The following SLC25A21 variants were observed in gnomAD, a reference collection of about 807,000 sequenced individuals.
SLC25A21 encodes solute carrier family 25 member 21.
SLC25A21 carries 47 observed loss-of-function variants against 43.8 expected under a neutral mutation model. The ratio of observed to expected loss-of-function variants is 1.07; its 90% CI spans 0.85 to 1.37. The LOEUF is 1.37. Among genes scored for constraint, SLC25A21 ranks in the 40% most tolerant of loss-of-function variants. The pLI, the probability that SLC25A21 is intolerant of heterozygous loss-of-function variation, is 0.00. For missense variants in SLC25A21, 352 were observed against 350.2 expected, an observed-to-expected ratio of 1.00 and a Z score of -0.04; for synonymous variants, 131 against 121.3, an observed-to-expected ratio of 1.08 and a Z score of -0.52.
At chr14:36,796,698 G>T (rs1385518681) in intron 3 of SLC25A21, among the ~76,000 whole-genome samples, 1 of 152,006 alleles carries the variant, frequency 6.6e-6, no homozygotes, top group Non-Finnish European at 1.5e-5. Context: ...ACCCTGTTTG[G>T]TCTATTCACA....
intron 1 of SLC25A21, among the ~76,000 whole-genome samples, chr14:37,158,181 T>A (rs561885187): frequency 3.2e-4 from 48 of 152,270 alleles, no homozygotes; most frequent in African/African-American, 1.1e-3. Context: ...CCAATTCTCC[T>A]GAAACTATTG....
intron 3 of SLC25A21, among the ~76,000 whole-genome samples, chr14:36,810,962 T>TAATTCAGCATATGATAGAGAAAAGAGGGG (rs1888239591): frequency 5.4e-5 from 2 of 37,014 alleles, no homozygotes; most frequent in African/African-American, 8.1e-5. Context: ...GAAAAGAGGG[T>TAATTCAGCATATGATAGAGAAAAGAGGGG]CAGGGAGGGT....
intron 1 of SLC25A21, among the ~76,000 whole-genome samples, chr14:37,017,895 G>T (rs188293876): frequency 1.6e-4 from 25 of 152,010 alleles, no homozygotes; most frequent in African/African-American, 4.3e-4. Context: ...CAGCACTGGG[G>T]TAATTGACAC....
intron 1 of SLC25A21, among the ~76,000 whole-genome samples, chr14:36,903,614 GAAAAAAAAAAA>G (rs71124784): frequency 1.6e-3 from 82 of 50,460 alleles, no homozygotes; most frequent in African/African-American, 6.1e-3. Flanking sequence ...CTCCGTCTCA[GAAAAAAAAAAA>G]AAAAAAAAAA....
Position 36,758,412 on chromosome 14 carries a change from C to T in SLC25A21, c.204-23839G>A, listed in dbSNP as rs1886013784. On this transcript the variant is annotated intron_variant, in intron 3 of 9. Coordinates refer to ENST00000331299, the MANE Select transcript of SLC25A21 (RefSeq NM_030631.4). ...CAGAAGACTCCCTCTGGGCCCAGGG[C>T]ATGACCCAGGAGAGGGGCGTAGTGT... 2.6e-5 allele frequency among the ~76,000 whole-genome samples: 4 copies of T among 152,068 alleles called. No homozygotes were observed. The South Asian group carries it at 8.3e-4, about 32-fold the overall frequency.
chr14:37,167,725 T>C (rs1190029462), intron 1 of SLC25A21, among the ~76,000 whole-genome samples: 2 of 152,078 alleles, frequency 1.3e-5, no homozygotes, highest in East Asian at 3.9e-4. Context: ...GGGCTTGAGA[T>C]ATTTTGCAGA....
chr14:37,049,754 TA>T (rs1961666289), intron 1 of SLC25A21, among the ~76,000 whole-genome samples: 1 of 152,212 alleles, frequency 6.6e-6, no homozygotes, highest in African/African-American at 2.4e-5. Context: ...TTTAAAAATA[TA>T]TTTTATTTAA....
chr14:37,080,260 T>C (rs1962360277), intron 1 of SLC25A21, among the ~76,000 whole-genome samples: 1 of 152,200 alleles, frequency 6.6e-6, no homozygotes, highest in East Asian at 1.9e-4. Context: ...GTTGTAATTG[T>C]GCTCAGTGTC....
chr14:37,081,398 C>G (rs766156316), intron 1 of SLC25A21, among the ~76,000 whole-genome samples: 12 of 152,182 alleles, frequency 7.9e-5, no homozygotes, highest in Non-Finnish European at 4.4e-5. Context: ...AGACATGATG[C>G]AAACAAAAGG....
intron 3 of SLC25A21, among the ~76,000 whole-genome samples, chr14:36,808,330 A>C (rs1310943618): frequency 6.6e-6 from 1 of 152,176 alleles, no homozygotes; most frequent in African/African-American, 2.4e-5. Context: ...CTAATTATAA[A>C]GGATGGGGCA....
chr14:36,705,925 C>T (rs1024680425), intron 7 of SLC25A21, among the ~76,000 whole-genome samples: 3 of 152,182 alleles, frequency 2.0e-5, no homozygotes, highest in African/African-American at 4.8e-5. Flanking sequence ...AACACCACCT[C>T]CTCATCAGGG....
chr14:36,801,207 C>T (rs942870461), intron 3 of SLC25A21, among the ~76,000 whole-genome samples: 1 of 152,128 alleles, frequency 6.6e-6, no homozygotes, highest in African/African-American at 2.4e-5. Context: ...CTGCTCATCT[C>T]GATAGCTTTC....
At chr14:36,875,452 T>C (rs562950177) in intron 1 of SLC25A21, among the ~76,000 whole-genome samples, 5 of 152,230 alleles carry the variant, frequency 3.3e-5, no homozygotes, top group African/African-American at 2.4e-5. Flanking sequence ...TCAGTATCCA[T>C]GAAACAAAGA....
At chr14:36,751,066 G>T (rs1885690584) in intron 3 of SLC25A21, among the ~76,000 whole-genome samples, 1 of 152,132 alleles carries the variant, frequency 6.6e-6, no homozygotes, top group Admixed American at 6.5e-5. Flanking sequence ...TTCCTCTACT[G>T]TTTATTTAGG....
At chr14:37,018,399 G>A (rs1566818629) in intron 1 of SLC25A21, among the ~76,000 whole-genome samples, 1 of 152,000 alleles carries the variant, frequency 6.6e-6, no homozygotes, top group African/African-American at 2.4e-5. Flanking sequence ...TCTTGATTAT[G>A]AGAATCATTT....
intron 1 of SLC25A21, among the ~76,000 whole-genome samples, chr14:36,947,827 A>C (rs1892712423): frequency 6.6e-6 from 1 of 152,038 alleles, no homozygotes; most frequent in African/African-American, 2.4e-5. Flanking sequence ...TCCGATATTC[A>C]TTTTTCCTCT....
chr14:36,777,054 TTGAGACCATCC>T (rs1168763301), intron 3 of SLC25A21, among the ~76,000 whole-genome samples: 1 of 152,100 alleles, frequency 6.6e-6, no homozygotes. Flanking sequence ...GGTCAGGAGA[TTGAGACCATCC>T]TGGCCAACAT....
At chr14:36,816,627 C>T (rs936109367) in intron 2 of SLC25A21, among the ~76,000 whole-genome samples, 5 of 151,844 alleles carry the variant, frequency 3.3e-5, no homozygotes, top group South Asian at 2.1e-4. Flanking sequence ...CTCAGCCTCC[C>T]GAGCTGGGAC....
chr14:36,727,358 T>C (rs535564788), intron 5 of SLC25A21, among the ~76,000 whole-genome samples: 4 of 152,156 alleles, frequency 2.6e-5, no homozygotes, highest in Non-Finnish European at 5.9e-5. Context: ...TTTCATAGAG[T>C]GCTATGCAAA....
Sources: gnomAD v4.1 joint callset for allele counts (sites outside exome capture counted in the v4.1 genomes callset) on GRCh38, gnomAD v4.1.1 for gene constraint, MANE v1.5 for transcripts, NCBI Gene and HGNC (gene_info 2026-07-23, HGNC 2026-07-21) for gene names.